ELOVL6: variants seen among roughly 807,000 people sequenced by gnomAD.
ELOVL6 encodes very long chain fatty acid elongase 6.
In ELOVL6, 8 loss-of-function variants were observed where a neutral mutation model predicts 31.7. That is an observed-to-expected ratio of 0.25 (90% CI 0.15 to 0.45). The LOEUF (loss-of-function observed/expected upper bound fraction) is 0.45, where lower values mean the gene tolerates loss of function less well. Among genes scored for constraint, ELOVL6 ranks in the 20% least tolerant of loss-of-function variants. The pLI, the probability that ELOVL6 is intolerant of heterozygous loss-of-function variation, is 1.00. For synonymous variants in ELOVL6, 101 were observed against 117.7 expected, an observed-to-expected ratio of 0.86 and a Z score of 0.92; for missense variants, 126 against 326.4, an observed-to-expected ratio of 0.39 and a Z score of 4.73.
intron 1 of ELOVL6, among the ~76,000 whole-genome samples, chr4:110,122,999 T>G (rs1201837786): frequency 6.6e-6 from 1 of 152,214 alleles, no homozygotes; most frequent in Non-Finnish European, 1.5e-5. Context: ...CTGTTTGTAT[T>G]TTACACACAA....
intron 2 of ELOVL6, among the ~76,000 whole-genome samples, chr4:110,093,988 C>T (rs1332702726): frequency 2.6e-5 from 4 of 152,132 alleles, no homozygotes; most frequent in Admixed American, 1.3e-4. Context: ...TGGTGGCTCA[C>T]GTCTGTAATC....
chr4:110,088,798 C>T (rs1352404603), intron 2 of ELOVL6, among the ~76,000 whole-genome samples: 4 of 152,110 alleles, frequency 2.6e-5, no homozygotes, highest in African/African-American at 9.7e-5. Flanking sequence ...TGTGAATCTG[C>T]TTGATAAAGG....
At position 110,090,713 on chromosome 4, in the gene ELOVL6, C is replaced by T. The variant is rs1756402163; in HGVS notation, c.221+14784G>A. Among the ~76,000 whole-genome samples the T allele has an allele frequency of 1.3e-5, 2 of 148,708 alleles. 1 individual carries two copies. Among genetic ancestry groups the T allele is most frequent in the South Asian group, 4.3e-4 (2 of 4,660 alleles). On this transcript the variant is annotated intron_variant, in intron 2 of 3. Transcript: ENST00000302274. ...TCCGCCACCTGGGTTCAAGCAATTC[C>T]CCTGCCTCAGCCTCCCAAGTAGCTG...
At chr4:110,176,211 G>A (rs1016848060) in intron 1 of ELOVL6, among the ~76,000 whole-genome samples, 1 of 151,898 alleles carries the variant, frequency 6.6e-6, no homozygotes, top group African/African-American at 2.4e-5. Context: ...TGCTCACGCT[G>A]GAATGCAGTG....
At chr4:110,070,239 TC>T (rs1291583527) in intron 2 of ELOVL6, among the ~76,000 whole-genome samples, 1 of 152,294 alleles carries the variant, frequency 6.6e-6, no homozygotes, top group East Asian at 1.9e-4. Flanking sequence ...TCTGGACTTT[TC>T]TAATAGGAAC....
chr4:110,052,312 C>G (rs1316738605), intron 3 of ELOVL6, among the ~76,000 whole-genome samples: 2 of 152,156 alleles, frequency 1.3e-5, no homozygotes, highest in East Asian at 1.9e-4. Flanking sequence ...AAAGGTACCC[C>G]TCAAACATAT....
chr4:110,141,650 T>G (rs57742603), intron 1 of ELOVL6, among the ~76,000 whole-genome samples: 6,722 of 149,416 alleles, frequency 0.045, 223 homozygotes, highest in East Asian at 0.16. Flanking sequence ...TGTATTGTAT[T>G]GTATTAGTAT....
chr4:110,186,369 C>A (rs1156652018), intron 1 of ELOVL6, among the ~76,000 whole-genome samples: 3 of 152,086 alleles, frequency 2.0e-5, no homozygotes, highest in Admixed American at 6.6e-5. Flanking sequence ...CTCTCTCCTA[C>A]CGGCCCCCAC....
intron 1 of ELOVL6, among the ~76,000 whole-genome samples, chr4:110,191,413 T>C (rs1378884552): frequency 1.3e-5 from 2 of 151,966 alleles, no homozygotes; most frequent in African/African-American, 2.4e-5. Context: ...AAAAGATAAA[T>C]GAGAAGTAAA....
chr4:110,114,230 A>G (rs1560828745), intron 1 of ELOVL6, among the ~76,000 whole-genome samples: 1 of 152,222 alleles, frequency 6.6e-6, no homozygotes, highest in Non-Finnish European at 1.5e-5. Context: ...AATCTATTCT[A>G]TAATATAAAT....
intron 1 of ELOVL6, among the ~76,000 whole-genome samples, chr4:110,120,904 G>A (rs1458394702): frequency 2.7e-5 from 4 of 150,432 alleles, no homozygotes; most frequent in East Asian, 2.0e-4. Flanking sequence ...GGGTTCAAGC[G>A]ATTCTCCTGG....
intron 1 of ELOVL6, among the ~76,000 whole-genome samples, chr4:110,170,051 G>C: frequency 6.6e-6 from 1 of 151,258 alleles, no homozygotes; most frequent in East Asian, 1.9e-4. Context: ...CTAACCTCAG[G>C]TGATCCACCC....
At chr4:110,182,348 T>G (rs1759301122) in intron 1 of ELOVL6, among the ~76,000 whole-genome samples, 1 of 152,184 alleles carries the variant, frequency 6.6e-6, no homozygotes, top group South Asian at 2.1e-4. Context: ...GCAAATTCAT[T>G]TGGAGTAAGA....
chr4:110,143,614 ACCT>A (rs1466572578), intron 1 of ELOVL6, among the ~76,000 whole-genome samples: 1 of 151,446 alleles, frequency 6.6e-6, no homozygotes, highest in Non-Finnish European at 1.5e-5. Context: ...CTACATACAG[ACCT>A]CCTAAAAAGG....
rs77491506 is a variant in ELOVL6 at position 110,095,663 on chromosome 4, A to G, written c.221+9834T>C. On this transcript the variant is annotated intron_variant, in intron 2 of 3. Coordinates refer to ENST00000302274, the MANE Select transcript of ELOVL6 (RefSeq NM_024090.3). ...ATTGAGGTTTTAATGTATAAGCAAA[A>G]GAGTTTTAATTAAGGTTTAAACAGG... is the stretch of plus-strand genomic sequence containing the variant. Among the ~76,000 whole-genome samples the G allele has an allele frequency of 4.0e-3, 611 of 152,310 alleles. 6 individuals are homozygous for G. Among genetic ancestry groups the G allele is most frequent in the African/African-American group, 0.014 (579 of 41,574 alleles).
chr4:110,099,369 T>G lies in ELOVL6; in HGVS notation c.221+6128A>C, dbSNP rs753727924. ...ACTAATCTTGAATATATTTCATACT[T>G]AAGCCAGAGAAGAAATTTAATAACA... is the stretch of plus-strand genomic sequence containing the variant. On this transcript the variant is annotated intron_variant, in intron 2 of 3. Transcript: ENST00000302274. Among the ~76,000 whole-genome samples the G allele has an allele frequency of 9.8e-5, 15 of 152,314 alleles. No homozygotes were observed. In the Middle Eastern group the frequency reaches 0.01, roughly 104 times the overall value.
At chr4:110,112,147 T>C (rs1271541925) in intron 1 of ELOVL6, among the ~76,000 whole-genome samples, 1 of 150,478 alleles carries the variant, frequency 6.6e-6, no homozygotes, top group Non-Finnish European at 1.5e-5. Context: ...AAGTCTGAGC[T>C]GGGAAGGAAG....
intron 2 of ELOVL6, among the ~76,000 whole-genome samples, chr4:110,078,062 A>C (rs1448413897): frequency 2.0e-5 from 3 of 152,246 alleles, no homozygotes; most frequent in African/African-American, 7.2e-5. Context: ...AGAAATGAAC[A>C]AAGCCTCCAA....
rs1360507687 is a variant in ELOVL6 at position 110,167,136 on chromosome 4, TGAA to T, written c.89+31108_89+31110del. On this transcript the variant is annotated intron_variant, in intron 1 of 3. Transcript: ENST00000302274. Reference sequence around the variant, plus strand: ...AAACAGTCTGAATGCACACAGTAGCTGAAGATCACAGGGTTTCAGTATCTCTCC... The same window carrying T: ...AAACAGTCTGAATGCACACAGTAGCTGATCACAGGGTTTCAGTATCTCTCC... Among the ~76,000 whole-genome samples the T allele has an allele frequency of 2.0e-5, 3 of 152,224 alleles. No homozygotes were observed. The East Asian group carries it at 5.8e-4, about 29-fold the overall frequency.
Sources: gnomAD v4.1 joint callset for allele counts (sites outside exome capture counted in the v4.1 genomes callset) on GRCh38, gnomAD v4.1.1 for gene constraint, MANE v1.5 for transcripts, NCBI Gene and HGNC (gene_info 2026-07-23, HGNC 2026-07-21) for gene names.